ZBTB10: variants seen among roughly 807,000 people sequenced by gnomAD.
The protein encoded by ZBTB10 is zinc finger and BTB domain-containing protein 10.
A neutral mutation model predicts 76.4 loss-of-function variants in ZBTB10; 32 were observed. The observed-to-expected ratio is 0.42, with a 90% CI of 0.32 to 0.56. ZBTB10 has a LOEUF of 0.56. Among genes scored for constraint, ZBTB10 ranks in the 20% least tolerant of loss-of-function variants. The pLI is 0.14. For missense variants in ZBTB10, 1,057 were observed against 1,098.5 expected (o/e 0.96, Z 0.53); for synonymous variants, 523 against 432.9 (o/e 1.21, Z -2.58).
intron 1 of ZBTB10, among the ~76,000 whole-genome samples, chr8:80,493,648 C>G (rs1815703647): frequency 6.7e-6 from 1 of 148,670 alleles, no homozygotes; most frequent in Non-Finnish European, 1.5e-5. Flanking sequence ...GAAACCCCGT[C>G]TCTAATTTAA....
Position 80,486,890 on chromosome 8 carries a change from C to G in ZBTB10, c.80C>G (p.Thr27Arg). The G allele has an allele frequency of 6.6e-7, 1 of 1,512,606 alleles. No homozygotes were observed. Among genetic ancestry groups the G allele is most frequent in the Non-Finnish European group, 8.8e-7 (1 of 1,132,992 alleles). The allele number at this position is 1,512,606 out of a possible 1,614,324, so 93.7% of individuals were successfully genotyped here. ...GTCACCGCTAGCGGCGGCGGCTCCACGAACAATAACGCTGGCGGGGAGGCC... is the reference window on the plus strand; with the variant it reads ...GTCACCGCTAGCGGCGGCGGCTCCAGGAACAATAACGCTGGCGGGGAGGCC... ...GLVTASGGGS[T>R]NNNAGGEASA... Residue 27 changes from threonine to arginine, a missense_variant, in exon 1 of 6, where the codon ACG becomes AGG. Physicochemically the swap from Thr to Arg is moderately conservative, Grantham distance 71. Coordinates refer to ENST00000455036, the MANE Select transcript of ZBTB10 (RefSeq NM_001105539.3).
rs1435753885 is a variant in ZBTB10, at chr8:80,519,844, A to G, written c.*316A>G. On this transcript the variant is annotated 3_prime_UTR_variant, in exon 6 of 6. Transcript: ENST00000455036. ...TATGAAAATAGTCCTTAAAGAGCTT[A>G]CATTCATGTGCTACTTTAACATGAA... 6 of 205,472 alleles carry G rather than the reference A, an allele frequency of 2.9e-5. No homozygotes were observed. Among genetic ancestry groups the G allele is most frequent in the Non-Finnish European group, 6.0e-5 (6 of 99,716 alleles). 12.7% of individuals were successfully genotyped at this position (205,472 alleles called of 1,614,324 possible). A position where few individuals can be genotyped will look rare whatever the true frequency, so the allele number is the denominator to read the frequency against.
Position 80,487,547 on chromosome 8 carries a change from T to C in ZBTB10, c.737T>C (p.Leu246Pro). The C allele has an allele frequency of 1.3e-6, 2 of 1,599,034 alleles. No individual in the cohort carries two copies. Among genetic ancestry groups the C allele is most frequent in the South Asian group, 1.1e-5 (1 of 88,916 alleles). The change falls in exon 1 of 6, where the codon CTC (leucine) becomes CCC (proline). Residue 246 changes from leucine to proline, a missense_variant. By Grantham distance (98) the Leu-to-Pro change is moderately conservative. This residue lies in a region of ZBTB10 where 556 missense variants were observed against 451.7 expected (regional missense o/e 1.23). Transcript: ENST00000455036. ...CGGCCCAAGTCTCTAATGCAGAAGC[T>C]CCAATGCTCCTTCCAGACCTCCTGG... ...LARPKSLMQK[L>P]QCSFQTSWLK...
intron 3 of ZBTB10, among the ~76,000 whole-genome samples, chr8:80,514,882 A>G (rs962708697): frequency 1.3e-5 from 2 of 152,240 alleles, no homozygotes; most frequent in African/African-American, 4.8e-5. Context: ...TTTAGCTTGT[A>G]TCTAATGACA....
chr8:80,521,828 T>G lies in ZBTB10; in HGVS notation c.*2300T>G, dbSNP rs1275750459. On this transcript the variant is annotated 3_prime_UTR_variant, in exon 6 of 6. Coordinates refer to ENST00000455036, the MANE Select transcript of ZBTB10 (RefSeq NM_001105539.3). ...TTTTAGTTGGAAATAAGGTTTGATG[T>G]AGATGGCTTGTTACTGTTAATTTAA... 1.3e-5 allele frequency: 2 copies of G among 151,912 alleles called. No individual in the cohort carries two copies. Among genetic ancestry groups the G allele is most frequent in the Non-Finnish European group, 2.9e-5 (2 of 67,800 alleles). The allele number at this position is 151,912 out of a possible 1,614,324, so 9.4% of individuals were successfully genotyped here. A position where few individuals can be genotyped will look rare whatever the true frequency, so the allele number is the denominator to read the frequency against.
intron 1 of ZBTB10, among the ~76,000 whole-genome samples, chr8:80,492,198 C>G (rs1426982479): frequency 6.6e-6 from 1 of 152,244 alleles, no homozygotes; most frequent in South Asian, 2.1e-4. Context: ...ATAATTTATT[C>G]TTTGTGTTTT....
Position 80,486,817 on chromosome 8 carries a change from T to G in ZBTB10, c.7T>G (p.Phe3Val). MS[F>V]SEMNRRTLAF... ...GGCGGCGGCGGCGCGCGCCATGTCG[T>G]TCAGTGAAATGAACCGCAGGACGCT... The change falls in exon 1 of 6, where the codon TTC (phenylalanine) becomes GTC (valine). Residue 3 changes from phenylalanine to valine, a missense_variant. Phe to Val is a conservative substitution (Grantham distance 50). Coordinates refer to ENST00000455036, the MANE Select transcript of ZBTB10 (RefSeq NM_001105539.3). 6.8e-7 allele frequency: 1 copy of G among 1,461,784 alleles called. No individual in the cohort carries two copies. The highest frequency in any genetic ancestry group is 9.0e-7 in the Non-Finnish European group (1 of 1,109,602). 90.6% of individuals were successfully genotyped at this position (1,461,784 alleles called of 1,614,324 possible). A position where few individuals can be genotyped will look rare whatever the true frequency, so the allele number is the denominator to read the frequency against.
intron 2 of ZBTB10, among the ~76,000 whole-genome samples, chr8:80,506,230 T>A (rs1407676810): frequency 2.0e-5 from 3 of 152,164 alleles, no homozygotes; most frequent in African/African-American, 7.2e-5. Context: ...ACCCAAAGCT[T>A]TTTCTTAATC....
intron 3 of ZBTB10, among the ~76,000 whole-genome samples, chr8:80,516,000 T>G (rs1339630245): frequency 4.6e-5 from 7 of 152,230 alleles, no homozygotes; most frequent in Admixed American, 1.3e-4. Context: ...TGAATTACCA[T>G]TTTGTATTCC....
At chr8:80,510,696 A>C (rs1816170627) in intron 2 of ZBTB10, among the ~76,000 whole-genome samples, 2 of 151,380 alleles carry the variant, frequency 1.3e-5, no homozygotes, top group African/African-American at 4.9e-5. Flanking sequence ...CAAGTGCAGT[A>C]GTGAGAAGAG....
chr8:80,509,201 T>G (rs1480167704), intron 2 of ZBTB10, among the ~76,000 whole-genome samples: 3 of 152,158 alleles, frequency 2.0e-5, no homozygotes, highest in Non-Finnish European at 4.4e-5. Context: ...TATACCTGTT[T>G]ATGGGGGGGA....
At position 80,500,033 on chromosome 8, in the gene ZBTB10, A is replaced by G. The variant is rs1815881163; in HGVS notation, c.1512A>G (p.Thr504=). ...AAAAAATTGCCAGTTTTTGGGCAAC[A>G]CGGAATCTTACCAATTTGGCAAGTA... ...RDQKIASFWA[T]RNLTNLASNV... The change falls in exon 2 of 6, where the codon ACA becomes ACG. Residue 504 remains threonine (T), a synonymous_variant. Transcript: ENST00000455036. 1.2e-6 allele frequency: 2 copies of G among 1,614,002 alleles called. No homozygotes were observed. Among genetic ancestry groups the G allele is most frequent in the African/African-American group, 2.7e-5 (2 of 75,062 alleles).
At chr8:80,489,704 A>G (rs887269906) in intron 1 of ZBTB10, among the ~76,000 whole-genome samples, 2 of 152,168 alleles carry the variant, frequency 1.3e-5, no homozygotes, top group African/African-American at 2.4e-5. Context: ...GACCCGAACT[A>G]CGACTCTCTT....
intron 1 of ZBTB10, among the ~76,000 whole-genome samples, chr8:80,491,580 T>C (rs1012401295): frequency 1.7e-4 from 25 of 147,916 alleles, no homozygotes; most frequent in African/African-American, 5.8e-4. Flanking sequence ...TAAAACATGC[T>C]TTCTGAGTCT....
chr8:80,486,105 CCCCCACCCCA>C, upstream of ZBTB10: 1 of 465,358 alleles, frequency 2.1e-6, no homozygotes, highest in South Asian at 2.6e-5. Flanking sequence ...TCCCCTGGCG[CCCCCACCCCA>C]CCCCAGCCCA....
At chr8:80,495,812 G>A (rs1385883997) in intron 1 of ZBTB10, among the ~76,000 whole-genome samples, 1 of 152,100 alleles carries the variant, frequency 6.6e-6, no homozygotes, top group African/African-American at 2.4e-5. Context: ...TAACTAACTG[G>A]ACACTTACCT....
intron 1 of ZBTB10, among the ~76,000 whole-genome samples, chr8:80,493,170 G>A (rs925715890): frequency 8.7e-5 from 13 of 150,150 alleles, no homozygotes; most frequent in African/African-American, 2.7e-4. Flanking sequence ...CAACTGGGGC[G>A]ACAAGCAAGA....
intron 1 of ZBTB10, among the ~76,000 whole-genome samples, chr8:80,495,621 C>G (rs3863246): frequency 6.6e-6 from 1 of 151,870 alleles, no homozygotes; most frequent in Non-Finnish European, 1.5e-5. Context: ...TTCAAATTAG[C>G]AACTGAATCA....
At chr8:80,494,876 G>A (rs1233359038) in intron 1 of ZBTB10, among the ~76,000 whole-genome samples, 2 of 145,616 alleles carry the variant, frequency 1.4e-5, no homozygotes, top group African/African-American at 5.1e-5. Flanking sequence ...AATAAGCCAT[G>A]ATCTAACCAC....
Sources: gnomAD v4.1 joint callset for allele counts (sites outside exome capture counted in the v4.1 genomes callset) on GRCh38, gnomAD v4.1.1 for gene constraint, gnomAD v4.1.1 regional missense constraint, MANE v1.5 for transcripts, NCBI Gene and HGNC (gene_info 2026-07-23, HGNC 2026-07-21) for gene names.